The following HDAC2 variants were observed in gnomAD, a reference collection of about 807,000 sequenced individuals.
The protein encoded by HDAC2 is histone deacetylase 2.
Under a neutral mutation model 68.5 loss-of-function variants are expected in HDAC2, and 5 were observed. The ratio of observed to expected loss-of-function variants is 0.07; its 90% CI spans 0.04 to 0.15. The LOEUF (loss-of-function observed/expected upper bound fraction) is 0.15, where lower values mean the gene tolerates loss of function less well. Ranked by LOEUF, HDAC2 falls within the 10% of genes least tolerant of loss-of-function variation. The probability of loss-of-function intolerance (pLI) is 1.00; values close to 1 mark genes in which losing one functional copy is unlikely to be tolerated. For missense variants in HDAC2, 291 were observed against 600.8 expected, an observed-to-expected ratio of 0.48 and a Z score of 5.39; for synonymous variants, 182 against 191.3, an observed-to-expected ratio of 0.95 and a Z score of 0.40.
intron 1 of HDAC2, chr6:113,968,702 A>G (rs1251209492): frequency 6.6e-6 from 1 of 152,220 alleles, no homozygotes; most frequent in Non-Finnish European, 1.5e-5. Context: ...ATGGGCTACA[A>G]TAAAGTATCA....
chr6:113,949,867 C>T (rs563834432), intron 6 of HDAC2, among the ~76,000 whole-genome samples: 11 of 152,168 alleles, frequency 7.2e-5, no homozygotes, highest in Admixed American at 2.0e-4. Flanking sequence ...CTGCAACCTC[C>T]GCCTCCCAGG....
chr6:113,953,949 G>A (rs1016245245), intron 5 of HDAC2, among the ~76,000 whole-genome samples: 15 of 152,196 alleles, frequency 9.9e-5, no homozygotes, highest in Non-Finnish European at 1.9e-4. Flanking sequence ...CATAAAAAAA[G>A]TTTTACTGAA....
At chr6:113,969,305 C>T (rs1351843695) in intron 1 of HDAC2, among the ~76,000 whole-genome samples, 1 of 152,178 alleles carries the variant, frequency 6.6e-6, no homozygotes, top group African/African-American at 2.4e-5. Context: ...TAGATTTGTT[C>T]TGTAAGATTT....
intron 1 of HDAC2, chr6:113,970,531 T>G (rs1172118033): frequency 8.1e-5 from 96 of 1,180,448 alleles, no homozygotes; most frequent in Non-Finnish European, 9.6e-5. Context: ...GGCCGCCCCC[T>G]TCGCCGCCGC....
Position 113,956,005 on chromosome 6 carries a change from T to C in HDAC2, c.497+8A>G. On this transcript the variant is annotated splice_region_variant and intron_variant, in intron 5 of 13. Coordinates refer to ENST00000519065, the MANE Select transcript of HDAC2 (RefSeq NM_001527.4). ...CACTGAAAAGAGTATCAATATAAAT[T>C]AACATACTTTAGTAATTCAAGGATG... 2 of 1,582,354 alleles carry C rather than the reference T, an allele frequency of 1.3e-6. No homozygotes were observed. The highest frequency in any genetic ancestry group is 2.3e-5 in the South Asian group (2 of 86,826).
chr6:113,950,591 T>C (rs1326727256), intron 6 of HDAC2, among the ~76,000 whole-genome samples: 1 of 151,172 alleles, frequency 6.6e-6, no homozygotes, highest in Non-Finnish European at 1.5e-5. Flanking sequence ...AGACGGGGTT[T>C]CACCATATTG....
At chr6:113,947,860 C>G (rs968841238) in intron 8 of HDAC2, 3 of 152,016 alleles carry the variant, frequency 2.0e-5, no homozygotes, top group African/African-American at 4.8e-5. Flanking sequence ...ATTTAGTTAT[C>G]CAATTCCATT....
intron 12 of HDAC2, among the ~76,000 whole-genome samples, chr6:113,942,834 C>T (rs1018571307): frequency 2.6e-5 from 4 of 152,204 alleles, no homozygotes; most frequent in Middle Eastern, 3.4e-3. Flanking sequence ...GTATTTTTTC[C>T]TCCCTAACCC....
At chr6:113,969,695 C>T (rs749138834) in intron 1 of HDAC2, 2 of 152,170 alleles carry the variant, frequency 1.3e-5, no homozygotes, top group Non-Finnish European at 2.9e-5. Context: ...AAACAGGATT[C>T]GAAGATTTAA....
chr6:113,950,700 TGG>T lies in HDAC2; in HGVS notation c.640-1442_640-1441del, dbSNP rs34412922. On this transcript the variant is annotated intron_variant, in intron 6 of 13. Transcript: ENST00000519065. ...CATGAGCCACTGCGCCTGAGTGGGG[TGG>T]GGGGGGGGTGCCTAATTCTTATGTG... Among the ~76,000 whole-genome samples, 130 of 62,504 alleles carry T rather than the reference TGG, an allele frequency of 2.1e-3. 2 individuals carry two copies. The highest frequency in any genetic ancestry group is 7.0e-3 in the African/African-American group (120 of 17,258). The allele number at this position is 62,504 out of a possible 152,430, so 41.0% of individuals were successfully genotyped here. A position where few individuals can be genotyped will look rare whatever the true frequency, so the allele number is the denominator to read the frequency against.
At chr6:113,954,166 T>C (rs903426913) in intron 5 of HDAC2, among the ~76,000 whole-genome samples, 1 of 152,218 alleles carries the variant, frequency 6.6e-6, no homozygotes, top group African/African-American at 2.4e-5. Flanking sequence ...TGTATACTCA[T>C]GTCAAAATAA....
intron 1 of HDAC2, chr6:113,970,360 A>G: frequency 3.1e-6 from 2 of 643,800 alleles, no homozygotes; most frequent in Non-Finnish European, 3.9e-6. Context: ...AGGGAAGGGG[A>G]CGGGAGGGGC....
intron 11 of HDAC2, 59 bp downstream of exon 11, chr6:113,944,221 A>G (rs1399080923): frequency 6.9e-7 from 1 of 1,447,578 alleles, no homozygotes; most frequent in Non-Finnish European, 9.7e-7. Flanking sequence ...TTAGGCCACT[A>G]AAACCTTCCA....
Position 113,954,345 on chromosome 6 carries a change from A to T in HDAC2, c.498-927T>A, listed in dbSNP as rs749208821. On this transcript the variant is annotated intron_variant, in intron 5 of 13. Transcript: ENST00000519065. ...AAGCACTCATAAGAATATTCTCATA[A>T]CACTATAAACAGCATACCATAGTAC... Among the ~76,000 whole-genome samples, 9 of 152,244 alleles carry T rather than the reference A, an allele frequency of 5.9e-5. 1 individual carries two copies. The highest frequency in any genetic ancestry group is 1.2e-4 in the Non-Finnish European group (8 of 68,042).
chr6:113,951,979 T>C (rs1487060577), intron 6 of HDAC2, among the ~76,000 whole-genome samples: 8 of 152,230 alleles, frequency 5.3e-5, no homozygotes, highest in Non-Finnish European at 1.2e-4. Flanking sequence ...ACTGCAAAGA[T>C]ACTGTCTTAT....
intron 1 of HDAC2, among the ~76,000 whole-genome samples, chr6:113,962,818 G>C (rs928226156): frequency 6.6e-6 from 1 of 150,902 alleles, no homozygotes; most frequent in African/African-American, 2.4e-5. Context: ...AAAAAAAAAA[G>C]CCAGGTGTGG....
At chr6:113,960,865 T>C (rs914794281) in intron 1 of HDAC2, among the ~76,000 whole-genome samples, 1 of 152,060 alleles carries the variant, frequency 6.6e-6, no homozygotes, top group African/African-American at 2.4e-5. Context: ...TTTTAAAAAA[T>C]AGATGGTGGT....
At chr6:113,947,084 A>T (rs1052572845) in intron 8 of HDAC2, 1 of 152,192 alleles carries the variant, frequency 6.6e-6, no homozygotes, top group African/African-American at 2.4e-5. Context: ...ACATAATTCT[A>T]GCACTCAATT....
intron 1 of HDAC2, among the ~76,000 whole-genome samples, chr6:113,963,607 G>T (rs200641961): frequency 6.6e-6 from 1 of 152,144 alleles, no homozygotes; most frequent in South Asian, 2.1e-4. Flanking sequence ...GCTAACTGGA[G>T]CATGTCAAAT....
Sources: allele counts gnomAD v4.1 joint callset (sites outside exome capture counted in the v4.1 genomes callset), GRCh38; gene constraint gnomAD v4.1.1; transcripts MANE v1.5; gene names NCBI Gene and HGNC (gene_info 2026-07-23, HGNC 2026-07-21).